Variants in CNTN6 observed in about 807,000 individuals in gnomAD.
The protein encoded by CNTN6 is contactin-6.
In CNTN6, 137 loss-of-function variants were observed where a neutral mutation model predicts 122.8. The observed-to-expected ratio is 1.12, with a 90% CI of 0.97 to 1.29. CNTN6 has a LOEUF of 1.29. Ranked by LOEUF, CNTN6 falls within the 50% of genes most tolerant of loss-of-function variation. CNTN6 has a pLI of 0.00. For synonymous variants in CNTN6, 570 were observed against 426.0 expected, an observed-to-expected ratio of 1.34 and a Z score of -4.16; for missense variants, 1,634 against 1,223.4, an observed-to-expected ratio of 1.34 and a Z score of -5.01.
At chr3:1,310,931 G>A (rs1257987984) in intron 7 of CNTN6, among the ~76,000 whole-genome samples, 2 of 152,002 alleles carry the variant, frequency 1.3e-5, no homozygotes, top group African/African-American at 4.8e-5. Context: ...AACCCGGGAG[G>A]CAGAAGTTGC....
Position 1,121,364 on chromosome 3 carries a change from C to A in CNTN6, c.-82-26563C>A, listed in dbSNP as rs569218891. Reference sequence around the variant, plus strand: ...AAAAAAGCACAGAAACATCAGTATTCCATAGCTCCTTTATAAGGTCTTTGT... The same window carrying A: ...AAAAAAGCACAGAAACATCAGTATTACATAGCTCCTTTATAAGGTCTTTGT... On this transcript the variant is annotated intron_variant, in intron 1 of 22. Coordinates refer to ENST00000446702, the MANE Select transcript of CNTN6 (RefSeq NM_001289080.2). 2.0e-5 allele frequency among the ~76,000 whole-genome samples: 3 copies of A among 151,970 alleles called. No individual in the cohort carries two copies. The East Asian group carries it at 5.8e-4, about 29-fold the overall frequency.
intron 4 of CNTN6, among the ~76,000 whole-genome samples, chr3:1,253,730 G>A (rs1056347816): frequency 3.9e-5 from 6 of 152,102 alleles, no homozygotes; most frequent in African/African-American, 1.2e-4. Context: ...TAACACCGCT[G>A]TTGATCTGAC....
chr3:1,294,263 C>T (rs114762301), intron 5 of CNTN6, among the ~76,000 whole-genome samples: 1,778 of 152,078 alleles, frequency 0.012, 14 homozygotes, highest in Non-Finnish European at 0.017. Context: ...ATACTATCCA[C>T]AATATAATGG....
chr3:1,306,298 T>A (rs1363842012), intron 7 of CNTN6, among the ~76,000 whole-genome samples: 1 of 152,050 alleles, frequency 6.6e-6, no homozygotes. Flanking sequence ...ATCAATAACT[T>A]TTTTTTAACA....
intron 5 of CNTN6, among the ~76,000 whole-genome samples, chr3:1,287,867 A>G (rs1300304228): frequency 2.6e-5 from 4 of 152,242 alleles, no homozygotes; most frequent in Non-Finnish European, 5.9e-5. Flanking sequence ...CCTCTTTCCC[A>G]GAAAACTAAT....
At chr3:1,165,178 A>C (rs1236012993) in intron 2 of CNTN6, among the ~76,000 whole-genome samples, 1 of 152,110 alleles carries the variant, frequency 6.6e-6, no homozygotes, top group Admixed American at 6.5e-5. Flanking sequence ...AAACCAACCA[A>C]GTGTTCATAT....
chr3:1,103,120 A>T (rs895478494), intron 1 of CNTN6, among the ~76,000 whole-genome samples: 20 of 151,208 alleles, frequency 1.3e-4, no homozygotes, highest in South Asian at 4.2e-4. Flanking sequence ...AATAAAAATA[A>T]AAAAAAAAGA....
chr3:1,267,523 C>A (rs11715823), intron 4 of CNTN6, among the ~76,000 whole-genome samples: 1 of 151,868 alleles, frequency 6.6e-6, no homozygotes, highest in Non-Finnish European at 1.5e-5. Context: ...GCCCCTCTCA[C>A]GGTACACCTC....
intron 4 of CNTN6, among the ~76,000 whole-genome samples, chr3:1,233,734 C>CAAAAAAA (rs1166507455): frequency 5.8e-5 from 3 of 52,156 alleles, no homozygotes; most frequent in African/African-American, 2.6e-4. Flanking sequence ...GACTCTGTCT[C>CAAAAAAA]AAAAAAAAAA....
intron 1 of CNTN6, among the ~76,000 whole-genome samples, chr3:1,138,415 T>C (rs2092534534): frequency 6.6e-6 from 1 of 152,056 alleles, no homozygotes; most frequent in Non-Finnish European, 1.5e-5. Context: ...TCCTACCCAA[T>C]ATATTTAAGC....
At chr3:1,221,318 G>T (rs2094204865) in intron 3 of CNTN6, among the ~76,000 whole-genome samples, 1 of 152,158 alleles carries the variant, frequency 6.6e-6, no homozygotes, top group African/African-American at 2.4e-5. Context: ...AGCTCATTTT[G>T]CATTTCCCAC....
intron 1 of CNTN6, among the ~76,000 whole-genome samples, chr3:1,130,564 G>T (rs182242440): frequency 3.9e-4 from 59 of 152,228 alleles, no homozygotes; most frequent in African/African-American, 1.3e-3. Context: ...GAGGAACTGA[G>T]ATCCAGTTGA....
At chr3:1,195,303 C>G (rs2093760601) in intron 2 of CNTN6, among the ~76,000 whole-genome samples, 1 of 152,156 alleles carries the variant, frequency 6.6e-6, no homozygotes, top group South Asian at 2.1e-4. Flanking sequence ...GTCCTGCCCC[C>G]TCCTCTTGGG....
intron 2 of CNTN6, among the ~76,000 whole-genome samples, chr3:1,194,277 A>T (rs2093744323): frequency 6.6e-6 from 1 of 152,148 alleles, no homozygotes; most frequent in South Asian, 2.1e-4. Flanking sequence ...GGGAGACAAC[A>T]GGATATCTCT....
chr3:1,105,846 A>G (rs1574861103), intron 1 of CNTN6, among the ~76,000 whole-genome samples: 1 of 152,184 alleles, frequency 6.6e-6, no homozygotes, highest in East Asian at 1.9e-4. Context: ...TATACTAGAG[A>G]AACATAAATT....
chr3:1,146,789 A>G (rs1265673997), intron 1 of CNTN6, among the ~76,000 whole-genome samples: 2 of 152,264 alleles, frequency 1.3e-5, no homozygotes, highest in Non-Finnish European at 1.5e-5. Flanking sequence ...ATGAATGAAT[A>G]GATATAACAT....
intron 20 of CNTN6, among the ~76,000 whole-genome samples, chr3:1,387,711 TGC>T (rs1693263529): frequency 6.6e-6 from 1 of 152,092 alleles, no homozygotes; most frequent in East Asian, 1.9e-4. Flanking sequence ...GAGCGCACCG[TGC>T]GCAAGCCGAA....
chr3:1,402,348 A>T lies in CNTN6; in HGVS notation c.2848A>T (p.Thr950Ser). ...GTACCGGCAAAACAGACAGAGTAAAACTCATATTTTGGAAACAAACAATAC... is the reference window on the plus strand; with the variant it reads ...GTACCGGCAAAACAGACAGAGTAAATCTCATATTTTGGAAACAAACAATAC... ...ILYRQNRQSK[T>S]HILETNNTSA... The change falls in exon 22 of 23, where the codon ACT (threonine) becomes TCT (serine). Residue 950 changes from threonine to serine, a missense_variant. Coordinates refer to ENST00000446702, the MANE Select transcript of CNTN6 (RefSeq NM_001289080.2). 6.2e-7 allele frequency: 1 copy of T among 1,611,124 alleles called. No homozygotes were observed. Among genetic ancestry groups the T allele is most frequent in the Non-Finnish European group, 8.5e-7 (1 of 1,178,682 alleles).
intron 2 of CNTN6, among the ~76,000 whole-genome samples, chr3:1,209,376 C>T (rs2094001059): frequency 6.6e-6 from 1 of 152,082 alleles, no homozygotes; most frequent in Non-Finnish European, 1.5e-5. Context: ...AAATAACAAG[C>T]ATGGCCACTG....
Sources: gnomAD v4.1 joint callset for allele counts (sites outside exome capture counted in the v4.1 genomes callset) on GRCh38, gnomAD v4.1.1 for gene constraint, MANE v1.5 for transcripts, NCBI Gene and HGNC (gene_info 2026-07-23, HGNC 2026-07-21) for gene names.